Variants in DENND1A observed in about 807,000 individuals in gnomAD.
DENND1A encodes the protein DENN domain containing 1A.
In DENND1A, 51 loss-of-function variants were observed where a neutral mutation model predicts 113.7. The observed-to-expected ratio is 0.45, with a 90% CI of 0.36 to 0.57. The LOEUF (loss-of-function observed/expected upper bound fraction) is 0.57. Ranked by LOEUF, DENND1A falls within the 20% of genes least tolerant of loss-of-function variation. The probability of loss-of-function intolerance (pLI) is 0.00; values close to 1 mark genes in which losing one functional copy is unlikely to be tolerated. For missense variants in DENND1A, 1,258 were observed against 1,395.9 expected (o/e 0.90, Z 1.57); for synonymous variants, 565 against 570.8 (o/e 0.99, Z 0.14).
At chr9:123,860,052 C>T (rs1844838495) in intron 2 of DENND1A, among the ~76,000 whole-genome samples, 1 of 152,092 alleles carries the variant, frequency 6.6e-6, no homozygotes, top group Non-Finnish European at 1.5e-5. Context: ...GCATAAAGGC[C>T]AGTTAGGAGG....
chr9:123,714,919 T>C (rs1385990734), intron 5 of DENND1A, among the ~76,000 whole-genome samples: 1 of 152,080 alleles, frequency 6.6e-6, no homozygotes, highest in East Asian at 1.9e-4. Flanking sequence ...CAGTGGCTCA[T>C]GCCTGTAATC....
intron 1 of DENND1A, among the ~76,000 whole-genome samples, chr9:123,904,570 T>C (rs980092406): frequency 1.3e-4 from 19 of 146,532 alleles, no homozygotes; most frequent in Admixed American, 1.2e-3. Flanking sequence ...ACGTGAAGAA[T>C]GCAGAAGCCT....
chr9:123,718,557 G>A (rs958157186), intron 5 of DENND1A, among the ~76,000 whole-genome samples: 1 of 152,128 alleles, frequency 6.6e-6, no homozygotes, highest in African/African-American at 2.4e-5. Context: ...AATTTCTTAA[G>A]TCAGTTGAAA....
intron 3 of DENND1A, among the ~76,000 whole-genome samples, chr9:123,775,969 T>C (rs995416674): frequency 6.6e-6 from 1 of 152,124 alleles, no homozygotes; most frequent in East Asian, 1.9e-4. Flanking sequence ...TAATGACAAC[T>C]TAAACCTCTA....
At chr9:123,493,586 C>G (rs569051430) in intron 13 of DENND1A, among the ~76,000 whole-genome samples, 1 of 152,132 alleles carries the variant, frequency 6.6e-6, no homozygotes, top group Admixed American at 6.5e-5. Context: ...ACAGAGTGTC[C>G]GTTACAGGGA....
chr9:123,512,538 G>A (rs945414769), intron 13 of DENND1A, among the ~76,000 whole-genome samples: 5 of 152,200 alleles, frequency 3.3e-5, no homozygotes, highest in African/African-American at 1.2e-4. Context: ...GAGTTCCTTC[G>A]CGGCACTTTT....
intron 1 of DENND1A, among the ~76,000 whole-genome samples, chr9:123,901,963 G>A (rs960426102): frequency 6.6e-6 from 1 of 152,046 alleles, no homozygotes; most frequent in South Asian, 2.1e-4. Flanking sequence ...CCCAGATCGC[G>A]CCACTGCACT....
intron 22 of DENND1A, 62 bp downstream of exon 22, chr9:123,387,668 G>T (rs576314364): frequency 3.9e-6 from 5 of 1,270,036 alleles, no homozygotes; most frequent in Non-Finnish European, 5.1e-6. Flanking sequence ...CCCCGCTTTC[G>T]CCATGCAGCC....
intron 18 of DENND1A, among the ~76,000 whole-genome samples, chr9:123,447,830 T>C (rs1045241205): frequency 6.7e-6 from 1 of 149,896 alleles, no homozygotes; most frequent in African/African-American, 2.5e-5. Flanking sequence ...TACTGCTATG[T>C]GAGAGGTCAG....
At chr9:123,921,557 T>C (rs541259409) in intron 1 of DENND1A, among the ~76,000 whole-genome samples, 1 of 152,348 alleles carries the variant, frequency 6.6e-6, no homozygotes, top group South Asian at 2.1e-4. Flanking sequence ...CTAAAGTGAA[T>C]TCAAAAGGTG....
chr9:123,858,942 A>G (rs1335510949), intron 2 of DENND1A, among the ~76,000 whole-genome samples: 1 of 152,252 alleles, frequency 6.6e-6, no homozygotes, highest in African/African-American at 2.4e-5. Context: ...ACAAAAATGC[A>G]TACCAAAAAA....
chr9:123,850,916 C>T (rs1291669125), intron 2 of DENND1A, among the ~76,000 whole-genome samples: 1 of 151,064 alleles, frequency 6.6e-6, no homozygotes, highest in African/African-American at 2.4e-5. Context: ...TTAAATAATC[C>T]AAAAGAAAGG....
At chr9:123,846,322 T>C (rs549301097) in intron 2 of DENND1A, among the ~76,000 whole-genome samples, 1 of 152,128 alleles carries the variant, frequency 6.6e-6, no homozygotes, top group Non-Finnish European at 1.5e-5. Context: ...TACCATATGA[T>C]CCAGCAATGC....
chr9:123,482,404 C>T (rs2050420217), intron 13 of DENND1A, among the ~76,000 whole-genome samples: 2 of 152,174 alleles, frequency 1.3e-5, no homozygotes, highest in South Asian at 4.1e-4. Context: ...GGCCCATTAT[C>T]TTTATTTTTT....
At chr9:123,419,644 G>T (rs574629173) in intron 19 of DENND1A, among the ~76,000 whole-genome samples, 4 of 152,228 alleles carry the variant, frequency 2.6e-5, no homozygotes, top group Admixed American at 6.5e-5. Flanking sequence ...CGAGAGCAAG[G>T]CTCCTCTACA....
At chr9:123,641,785 AAATCAGGCTGTGTATC>A (rs2062041756) in intron 9 of DENND1A, among the ~76,000 whole-genome samples, 1 of 152,262 alleles carries the variant, frequency 6.6e-6, no homozygotes, top group Non-Finnish European at 1.5e-5. Flanking sequence ...CACTGGTTCC[AAATCAGGCTGTGTATC>A]AATCATCCGG....
At chr9:123,608,343 G>T (rs2060263369) in intron 11 of DENND1A, among the ~76,000 whole-genome samples, 1 of 152,146 alleles carries the variant, frequency 6.6e-6, no homozygotes, top group Admixed American at 6.5e-5. Flanking sequence ...CCTCGTCGAC[G>T]TGAAATGAAG....
chr9:123,533,988 A>G (rs994807189), intron 13 of DENND1A, among the ~76,000 whole-genome samples: 1 of 152,214 alleles, frequency 6.6e-6, no homozygotes, highest in African/African-American at 2.4e-5. Context: ...TTTAAACATG[A>G]TATTATGAAA....
At chr9:123,907,169 T>G (rs1181270896) in intron 1 of DENND1A, among the ~76,000 whole-genome samples, 2 of 142,486 alleles carry the variant, frequency 1.4e-5, no homozygotes, top group African/African-American at 5.2e-5. Flanking sequence ...CCCTTCATGC[T>G]AAAAACTCTC....
Sources: allele counts gnomAD v4.1 joint callset (sites outside exome capture counted in the v4.1 genomes callset), GRCh38; gene constraint gnomAD v4.1.1; transcripts MANE v1.5; gene names NCBI Gene and HGNC (gene_info 2026-07-23, HGNC 2026-07-21).